The following CCDC171 variants were observed in gnomAD, a reference collection of about 807,000 sequenced individuals.
The protein encoded by CCDC171 is coiled-coil domain-containing protein 171.
In CCDC171, 177 loss-of-function variants were observed where a neutral mutation model predicts 168.2. The observed-to-expected ratio is 1.05, with a 90% CI of 0.93 to 1.19. The LOEUF (loss-of-function observed/expected upper bound fraction) is 1.19. Ranked by LOEUF, CCDC171 falls within the 50% of genes most tolerant of loss-of-function variation. CCDC171 has a pLI of 0.00. For synonymous variants in CCDC171, 687 were observed against 540.8 expected (o/e 1.27, Z -3.75); for missense variants, 1,991 against 1,539.0 (o/e 1.29, Z -4.91).
At chr9:15,687,508 C>G (rs1394164001) in intron 10 of CCDC171, among the ~76,000 whole-genome samples, 1 of 150,500 alleles carries the variant, frequency 6.6e-6, no homozygotes, top group East Asian at 1.9e-4. Context: ...AAACCCAAAA[C>G]AAGTGGAAGA....
chr9:15,868,116 G>A (rs1199498194), intron 23 of CCDC171, among the ~76,000 whole-genome samples: 3 of 151,974 alleles, frequency 2.0e-5, no homozygotes, highest in South Asian at 2.1e-4. Flanking sequence ...TGTGTGGTGT[G>A]GTTGTGGTGG....
chr9:16,091,541 G>A, the CCDC171 span, among the ~76,000 whole-genome samples: 1 of 152,216 alleles, frequency 6.6e-6, no homozygotes, highest in Admixed American at 6.5e-5. Flanking sequence ...AGTCCCTGGA[G>A]CACAGGCCTG....
chr9:15,853,209 A>T lies in CCDC171; in HGVS notation c.3468+4262A>T, dbSNP rs1253772137. 2.0e-5 allele frequency among the ~76,000 whole-genome samples: 3 copies of T among 151,634 alleles called. No individual in the cohort carries two copies. In the East Asian group the frequency reaches 5.8e-4, roughly 29 times the overall value. On this transcript the variant is annotated intron_variant, in intron 23 of 25. Coordinates refer to ENST00000380701, the MANE Select transcript of CCDC171 (RefSeq NM_173550.4). ...AAATATTAAGTCTTGCAATTCATGA[A>T]CATAGAATGCCTTTCTACTTATTTA...
intron 11 of CCDC171, among the ~76,000 whole-genome samples, chr9:15,708,266 T>A (rs2133982249): frequency 6.6e-6 from 1 of 152,358 alleles, no homozygotes; most frequent in East Asian, 1.9e-4. Context: ...ACTTTCATAC[T>A]AATGATTGCA....
chr9:15,809,012 C>A (rs1588629391), intron 21 of CCDC171, among the ~76,000 whole-genome samples: 2 of 152,062 alleles, frequency 1.3e-5, no homozygotes, highest in African/African-American at 4.8e-5. Flanking sequence ...GCTCTTTGGG[C>A]CTTATTTATA....
At chr9:15,917,458 A>G (rs1209253938) in intron 24 of CCDC171, among the ~76,000 whole-genome samples, 1 of 148,322 alleles carries the variant, frequency 6.7e-6, no homozygotes, top group Admixed American at 6.8e-5. Context: ...AAATCCTAAG[A>G]AAAATTGGAT....
chr9:15,563,195 A>G (rs866494251), intron 1 of CCDC171, among the ~76,000 whole-genome samples: 2 of 150,830 alleles, frequency 1.3e-5, no homozygotes, highest in East Asian at 1.9e-4. Flanking sequence ...CTTGAGTGCA[A>G]TGGTGCAATC....
At chr9:15,667,314 G>A (rs2048802152) in intron 9 of CCDC171, among the ~76,000 whole-genome samples, 1 of 151,986 alleles carries the variant, frequency 6.6e-6, no homozygotes, top group South Asian at 2.1e-4. Context: ...GTAGATAATG[G>A]TTTTCCATTT....
intron 7 of CCDC171, among the ~76,000 whole-genome samples, chr9:15,651,014 C>G (rs2047471274): frequency 1.3e-5 from 2 of 152,162 alleles, no homozygotes; most frequent in African/African-American, 4.8e-5. Context: ...CACCCACACC[C>G]TGACACCCTT....
intron 4 of CCDC171, among the ~76,000 whole-genome samples, chr9:15,583,790 G>A (rs980891538): frequency 6.6e-6 from 1 of 151,608 alleles, no homozygotes; most frequent in Non-Finnish European, 1.5e-5. Flanking sequence ...AAAATAAAAT[G>A]TGAAAAAAAT....
intron 6 of CCDC171, among the ~76,000 whole-genome samples, chr9:16,029,566 G>A (rs1833334151): frequency 6.6e-6 from 1 of 152,216 alleles, no homozygotes; most frequent in African/African-American, 2.4e-5. Context: ...TATTTGTTAG[G>A]CCTGCCTATG....
chr9:16,048,868 G>C (rs1174530213), intron 1 of CCDC171, among the ~76,000 whole-genome samples: 3 of 151,470 alleles, frequency 2.0e-5, no homozygotes, highest in Admixed American at 6.6e-5. Context: ...TATTAACAAG[G>C]GTTTCAGGGA....
chr9:15,631,047 T>G (rs2045641513), intron 7 of CCDC171, among the ~76,000 whole-genome samples: 1 of 151,796 alleles, frequency 6.6e-6, no homozygotes, highest in South Asian at 2.1e-4. Context: ...TTTATAGCAC[T>G]AAATGCCCAC....
chr9:15,652,212 A>T (rs1341372171), intron 7 of CCDC171, among the ~76,000 whole-genome samples: 1 of 152,084 alleles, frequency 6.6e-6, no homozygotes, highest in Non-Finnish European at 1.5e-5. Context: ...TTATTTTTTT[A>T]TATGATATGA....
At chr9:15,584,705 C>A (rs2041415462) in intron 4 of CCDC171, among the ~76,000 whole-genome samples, 1 of 152,146 alleles carries the variant, frequency 6.6e-6, no homozygotes, top group Admixed American at 6.5e-5. Context: ...CTGAGGCCCT[C>A]CTGTCTTCTG....
At chr9:15,849,745 G>A (rs149634140) in intron 23 of CCDC171, among the ~76,000 whole-genome samples, 15 of 151,748 alleles carry the variant, frequency 9.9e-5, no homozygotes, top group South Asian at 8.3e-4. Flanking sequence ...ATCACATTTA[G>A]AATAACCTTG....
intron 14 of CCDC171, among the ~76,000 whole-genome samples, chr9:15,726,643 G>A (rs1459345973): frequency 6.6e-6 from 1 of 151,786 alleles, no homozygotes; most frequent in Non-Finnish European, 1.5e-5. Flanking sequence ...GAAAAAAGGT[G>A]GCATACATAG....
chr9:15,927,583 A>G (rs879817685), intron 25 of CCDC171, among the ~76,000 whole-genome samples: 14 of 151,766 alleles, frequency 9.2e-5, no homozygotes, highest in Admixed American at 5.9e-4. Flanking sequence ...ATAAATTACA[A>G]TGCAGAGGAC....
intron 25 of CCDC171, among the ~76,000 whole-genome samples, chr9:15,959,398 C>A (rs1830133541): frequency 6.6e-6 from 1 of 151,962 alleles, no homozygotes; most frequent in African/African-American, 2.4e-5. Flanking sequence ...AGTCTTTAAT[C>A]TCAAATTTGA....
Sources: allele counts gnomAD v4.1 joint callset (sites outside exome capture counted in the v4.1 genomes callset), GRCh38; gene constraint gnomAD v4.1.1; transcripts MANE v1.5; gene names NCBI Gene and HGNC (gene_info 2026-07-23, HGNC 2026-07-21).